The following ANKS3 variants were observed in gnomAD, a reference collection of about 807,000 sequenced individuals.
ANKS3 encodes ankyrin repeat and sterile alpha motif domain containing 3.
In ANKS3, 62 loss-of-function variants were observed where a neutral mutation model predicts 80.7. The observed-to-expected ratio is 0.77, with a 90% CI of 0.63 to 0.95. The LOEUF (loss-of-function observed/expected upper bound fraction) is 0.95. Ranked by LOEUF, ANKS3 falls within the 40% of genes least tolerant of loss-of-function variation. The probability of loss-of-function intolerance (pLI) is 0.00; values close to 1 mark genes in which losing one functional copy is unlikely to be tolerated. For synonymous variants in ANKS3, 489 were observed against 355.3 expected (o/e 1.38, Z -4.23); for missense variants, 1,150 against 883.6 (o/e 1.30, Z -3.82).
Position 4,698,999 on chromosome 16 carries a change from G to A in ANKS3, c.1409+53C>T, listed in dbSNP as rs955609941. The stretch of plus-strand genomic sequence containing the variant: ...GCGTCCCAAGAGCGCTTACATGAGT[G>A]GGAGTTTGCCCCAACCCCGGGCTGA... On this transcript the variant is annotated intron_variant, in intron 12 of 17. Transcript: ENST00000304283. 1.9e-6 allele frequency: 3 copies of A among 1,614,008 alleles called. No homozygotes were observed. The East Asian group carries it at 6.7e-5, about 36-fold the overall frequency.
intron 8 of ANKS3, among the ~76,000 whole-genome samples, chr16:4,704,085 C>T (rs953403383): frequency 1.3e-5 from 2 of 152,172 alleles, no homozygotes; most frequent in African/African-American, 2.4e-5. Flanking sequence ...GGGACACGGG[C>T]GGGCCCTCAT....
intron 1 of ANKS3, 94 bp from the exon 2 acceptor site, chr16:4,731,673 A>G: frequency 1.4e-6 from 1 of 699,512 alleles, no homozygotes; most frequent in Non-Finnish European, 1.8e-6. Context: ...AAAAAATAGA[A>G]AGCAATTCCC....
chr16:4,710,453 G>C (rs2080424148), intron 7 of ANKS3, among the ~76,000 whole-genome samples: 1 of 152,082 alleles, frequency 6.6e-6, no homozygotes, highest in Non-Finnish European at 1.5e-5. Context: ...CATGCCTGTA[G>C]TCCCAGCACT....
At position 4,705,379 on chromosome 16, in the gene ANKS3, G is replaced by A. The variant is rs930397268; in HGVS notation, c.710-126C>T. ...AAATTAAGGAGAAGGGTATCTGCCA[G>A]GGCATCACTTCTGAGAAATGCCCTA... On this transcript the variant is annotated intron_variant, in intron 7 of 17. Transcript: ENST00000304283. 1.8e-5 allele frequency: 21 copies of A among 1,177,458 alleles called. No homozygotes were observed. In the Admixed American group the frequency reaches 4.7e-4, roughly 26 times the overall value. The allele number at this position is 1,177,458 out of a possible 1,614,324, so 72.9% of individuals were successfully genotyped here.
At chr16:4,714,024 C>A (rs749389111) in intron 7 of ANKS3, 27 bp downstream of exon 7, 2 of 1,611,098 alleles carry the variant, frequency 1.2e-6, no homozygotes, top group African/African-American at 2.7e-5. Context: ...GAGACCCCAG[C>A]AGGGCGCGGC....
chr16:4,724,738 A>G lies in ANKS3; in HGVS notation c.573+12T>C. ...GTGACTACATTACATGCTAATAATC[A>G]GGGTCACTTACGTGATTCAGAAAAT... is the stretch of plus-strand genomic sequence containing the variant. On this transcript the variant is annotated intron_variant, in intron 6 of 17. Transcript: ENST00000304283. The G allele has an allele frequency of 6.2e-7, 1 of 1,610,840 alleles. No homozygotes were observed. The highest frequency in any genetic ancestry group is 8.5e-7 in the Non-Finnish European group (1 of 1,177,618).
chr16:4,721,671 C>T (rs150707201), intron 6 of ANKS3, among the ~76,000 whole-genome samples: 1 of 150,426 alleles, frequency 6.6e-6, no homozygotes, highest in Admixed American at 6.7e-5. Flanking sequence ...GATAGTCTCA[C>T]TCTGTCACCC....
rs2079868639 is a variant in ANKS3, at chr16:4,701,005, G to A, written c.1249C>T (p.Pro417Ser). 1.2e-6 allele frequency: 2 copies of A among 1,613,920 alleles called. No homozygotes were observed. The highest frequency in any genetic ancestry group is 2.7e-5 in the African/African-American group (2 of 74,926). ...GAGTAGGGGGCCCTCTGAGTCTGGG[G>A]GCTGGACTCAGCGAGAAAGCCTTCC... ...DREGFLAESSPQTQRAPYSGP... is the reference protein window; with the variant it reads ...DREGFLAESSSQTQRAPYSGP... Residue 417 changes from proline (P) to serine (S), a missense_variant, in exon 11 of 18, where the codon CCC becomes TCC. Pro to Ser is a moderately conservative substitution (Grantham distance 74, BLOSUM62 -1). Transcript: ENST00000304283.
intron 8 of ANKS3, among the ~76,000 whole-genome samples, chr16:4,703,286 A>G (rs1015776244): frequency 6.6e-6 from 1 of 151,974 alleles, no homozygotes; most frequent in Non-Finnish European, 1.5e-5. Flanking sequence ...CTAATTTTCA[A>G]AATTTTTTGT....
chr16:4,704,175 G>T (rs895956594), intron 8 of ANKS3, among the ~76,000 whole-genome samples: 7 of 152,212 alleles, frequency 4.6e-5, no homozygotes, highest in Non-Finnish European at 1.0e-4. Flanking sequence ...GATGATGGGA[G>T]AAGGTGGGTC....
chr16:4,721,929 C>A (rs1400513913), intron 6 of ANKS3, among the ~76,000 whole-genome samples: 2 of 151,288 alleles, frequency 1.3e-5, no homozygotes, highest in Non-Finnish European at 3.0e-5. Flanking sequence ...AGACAATGCA[C>A]CTGGCCCCGT....
chr16:4,719,581 T>A (rs373661411), intron 6 of ANKS3, among the ~76,000 whole-genome samples: 1 of 151,628 alleles, frequency 6.6e-6, no homozygotes, highest in Non-Finnish European at 1.5e-5. Flanking sequence ...GGTGGGAAGA[T>A]TGCTTGAGGC....
intron 3 of ANKS3, 41 bp downstream of exon 3, chr16:4,729,939 G>A (rs767533588): frequency 1.8e-5 from 26 of 1,439,868 alleles, no homozygotes; most frequent in Middle Eastern, 1.8e-4. Flanking sequence ...CCATCACTGC[G>A]CTGCTCAAAA....
At chr16:4,718,444 G>C (rs1264446616) in intron 6 of ANKS3, among the ~76,000 whole-genome samples, 1 of 152,182 alleles carries the variant, frequency 6.6e-6, no homozygotes, top group African/African-American at 2.4e-5. Flanking sequence ...CTGAGCTGCT[G>C]GGGCTTGGCC....
intron 15 of ANKS3, among the ~76,000 whole-genome samples, chr16:4,697,695 G>C (rs1410636027): frequency 6.6e-6 from 1 of 152,332 alleles, no homozygotes; most frequent in East Asian, 1.9e-4. Flanking sequence ...GGCTACAGAA[G>C]TCACTGGCGG....
intron 1 of ANKS3, 74 bp from the exon 2 acceptor site, chr16:4,731,653 A>T: frequency 1.2e-6 from 1 of 823,198 alleles, no homozygotes; most frequent in Non-Finnish European, 1.5e-6. Flanking sequence ...GTAAAAATAA[A>T]TTTTTCTGAA....
At position 4,732,287 on chromosome 16, in the gene ANKS3, T is replaced by TGA. The variant is rs569087172; in HGVS notation, c.-70-710_-70-709dup. On this transcript the variant is annotated intron_variant, in intron 1 of 17. Transcript: ENST00000304283. ...AGCCTGGATAAGAAACCAAACGAGCTGAGGGTCAGTTCAGAGTCCCTTCCA... is the reference window on the plus strand; with the variant it reads ...AGCCTGGATAAGAAACCAAACGAGCTGAGAGGGTCAGTTCAGAGTCCCTTCCA... 7.9e-5 allele frequency among the ~76,000 whole-genome samples: 12 copies of TGA among 152,264 alleles called. No individual in the cohort carries two copies. The South Asian group carries it at 1.5e-3, about 18-fold the overall frequency.
chr16:4,724,743 C>T lies in ANKS3; in HGVS notation c.573+7G>A, dbSNP rs2142143314. On this transcript the variant is annotated splice_region_variant and intron_variant, in intron 6 of 17. Transcript: ENST00000304283. ...TACATTACATGCTAATAATCAGGGT[C>T]ACTTACGTGATTCAGAAAATACTGC... 1 of 1,611,964 alleles carries T rather than the reference C, an allele frequency of 6.2e-7. No individual in the cohort carries two copies. The highest frequency in any genetic ancestry group is 8.5e-7 in the Non-Finnish European group (1 of 1,178,800).
intron 6 of ANKS3, among the ~76,000 whole-genome samples, chr16:4,723,916 C>T (rs985213499): frequency 3.3e-5 from 5 of 151,902 alleles, no homozygotes; most frequent in Admixed American, 2.0e-4. Flanking sequence ...AATAATTAGC[C>T]GGGGCATGGT....
Sources: gnomAD v4.1 joint callset for allele counts (sites outside exome capture counted in the v4.1 genomes callset) on GRCh38, gnomAD v4.1.1 for gene constraint, MANE v1.5 for transcripts, NCBI Gene and HGNC (gene_info 2026-07-23, HGNC 2026-07-21) for gene names.